Variants in PSD3 observed in about 807,000 individuals in gnomAD.
The protein encoded by PSD3 is PH and SEC7 domain-containing protein 3.
A neutral mutation model predicts 105.5 loss-of-function variants in PSD3; 49 were observed. The ratio of observed to expected loss-of-function variants is 0.46; its 90% CI spans 0.37 to 0.59. PSD3 has a LOEUF of 0.59. PSD3 is among the 20% of genes least tolerant of loss of function. The pLI is 0.00. For synonymous variants in PSD3, 557 were observed against 457.8 expected (o/e 1.22, Z -2.77); for missense variants, 1,561 against 1,263.8 (o/e 1.24, Z -3.57).
intron 4 of PSD3, chr8:18,854,362 A>G (rs931827627): frequency 6.6e-6 from 1 of 152,544 alleles, no homozygotes; most frequent in Non-Finnish European, 1.5e-5. Flanking sequence ...CTCTCTCAAC[A>G]CAGCTTCCCT....
At position 19,002,636 on chromosome 8, in the gene PSD3, T is replaced by C. The variant is rs193070838; in HGVS notation, c.21+10927A>G. Among the ~76,000 whole-genome samples the C allele has an allele frequency of 2.8e-3, 428 of 152,268 alleles. 5 individuals are homozygous for C. Among genetic ancestry groups the C allele is most frequent in the African/African-American group, 9.7e-3 (402 of 41,578 alleles). ...CATAACATATTTACATCTTCCCATA[T>C]ACTTTAAGTCATCTCTAGGTTTCGT... is the stretch of plus-strand genomic sequence containing the variant. On this transcript the variant is annotated intron_variant, in intron 1 of 15. Transcript: ENST00000327040.
At chr8:18,945,213 T>C (rs1490111617) in intron 1 of PSD3, among the ~76,000 whole-genome samples, 2 of 152,238 alleles carry the variant, frequency 1.3e-5, no homozygotes, top group African/African-American at 4.8e-5. Flanking sequence ...GAAAATGTGA[T>C]TAAATTAAAT....
At chr8:18,695,900 A>G (rs1450602875) in intron 9 of PSD3, among the ~76,000 whole-genome samples, 2 of 152,216 alleles carry the variant, frequency 1.3e-5, no homozygotes, top group Admixed American at 1.3e-4. Flanking sequence ...TCATGTGACC[A>G]GAACAGTACC....
Position 18,719,707 on chromosome 8 carries a change from T to C in PSD3, c.2172+45742A>G, listed in dbSNP as rs117879778. 2.6e-4 allele frequency among the ~76,000 whole-genome samples: 39 copies of C among 152,312 alleles called. No individual in the cohort carries two copies. In the East Asian group the frequency reaches 6.9e-3, roughly 27 times the overall value. On this transcript the variant is annotated intron_variant, in intron 9 of 15. Transcript: ENST00000327040. The stretch of plus-strand genomic sequence containing the variant: ...GATCTATTCATGGACACCTCCAACT[T>C]TGAGAAAGCCTGACTTGTTTATTCT...
intron 9 of PSD3, among the ~76,000 whole-genome samples, chr8:18,745,217 G>A (rs1486990795): frequency 6.6e-6 from 1 of 152,092 alleles, no homozygotes; most frequent in African/African-American, 2.4e-5. Context: ...CAAATATCCT[G>A]TTTCTTCCCT....
chr8:18,614,340 T>TCCCCCC (rs150517140), intron 11 of PSD3, among the ~76,000 whole-genome samples: 10 of 93,606 alleles, frequency 1.1e-4, no homozygotes, highest in African/African-American at 3.5e-4. Context: ...TTCTCCCCCA[T>TCCCCCC]CCCCCCCCCA....
intron 14 of PSD3, among the ~76,000 whole-genome samples, chr8:18,557,953 G>A (rs954516502): frequency 1.3e-5 from 2 of 152,200 alleles, no homozygotes; most frequent in Admixed American, 6.5e-5. Context: ...ATGGTTAAAT[G>A]AGGTCATAAG....
intron 2 of PSD3, among the ~76,000 whole-genome samples, chr8:18,932,274 C>G (rs1821801146): frequency 6.6e-6 from 1 of 152,174 alleles, no homozygotes; most frequent in African/African-American, 2.4e-5. Context: ...GACCCAGGCT[C>G]TGCTGCAGCT....
chr8:18,884,151 GA>G (rs1213001018), intron 2 of PSD3, among the ~76,000 whole-genome samples: 2 of 152,046 alleles, frequency 1.3e-5, no homozygotes, highest in African/African-American at 2.4e-5. Context: ...TGTAAGATTG[GA>G]AGATAAATGC....
rs577499710 is a variant in PSD3, at chr8:18,537,384, T to C, written c.2929-1426A>G. On this transcript the variant is annotated intron_variant, in intron 15 of 15. Transcript: ENST00000327040. ...TTAAGCTATATTACCTCCATTGATA[T>C]GAAAATATAGATTATATGTATATAG... Among the ~76,000 whole-genome samples, 7 of 152,324 alleles carry C rather than the reference T, an allele frequency of 4.6e-5. 1 individual carries two copies. In the East Asian group the frequency reaches 1.3e-3, roughly 29 times the overall value.
intron 10 of PSD3, among the ~76,000 whole-genome samples, chr8:18,645,778 C>T (rs969939932): frequency 6.6e-6 from 1 of 152,090 alleles, no homozygotes; most frequent in African/African-American, 2.4e-5. Context: ...TGTATGAGCA[C>T]CTCAAGTGGA....
At chr8:18,579,396 G>T (rs1802666414) in intron 12 of PSD3, among the ~76,000 whole-genome samples, 1 of 152,076 alleles carries the variant, frequency 6.6e-6, no homozygotes, top group South Asian at 2.1e-4. Flanking sequence ...TGTAAGAAAA[G>T]AAAATGCTCC....
chr8:18,740,238 T>C (rs1015191105), intron 9 of PSD3, among the ~76,000 whole-genome samples: 3 of 152,182 alleles, frequency 2.0e-5, no homozygotes, highest in Non-Finnish European at 4.4e-5. Flanking sequence ...CAGTGACAGC[T>C]CCTGCTGTGT....
intron 9 of PSD3, chr8:18,762,979 G>C (rs1048703137): frequency 8.1e-7 from 1 of 1,237,158 alleles, no homozygotes; most frequent in Non-Finnish European, 1.1e-6. Context: ...TGATCTCTGA[G>C]GACAGGTGCC....
At chr8:18,622,236 T>C (rs925878061) in intron 11 of PSD3, among the ~76,000 whole-genome samples, 1 of 152,262 alleles carries the variant, frequency 6.6e-6, no homozygotes, top group African/African-American at 2.4e-5. Context: ...GTGATTAAAA[T>C]ATTTTAAAAT....
intron 15 of PSD3, among the ~76,000 whole-genome samples, chr8:18,537,159 G>A (rs535106869): frequency 1.6e-4 from 24 of 152,262 alleles, no homozygotes; most frequent in East Asian, 7.7e-4. Context: ...GGGTGTGAGC[G>A]CTGGTTGCCG....
rs1001967876 is a variant in PSD3, at chr8:18,765,476, A to G, written c.2145T>C (p.Gly715=). The G allele has an allele frequency of 3.1e-6, 5 of 1,612,480 alleles. No homozygotes were observed. The African/African-American group carries it at 6.7e-5, about 22-fold the overall frequency. Residue 715 remains glycine (G), a synonymous_variant, in exon 9 of 16, where the codon GGT becomes GGC. Coordinates refer to ENST00000327040, the MANE Select transcript of PSD3 (RefSeq NM_015310.4). Reference sequence around the variant, plus strand: ...TCAGCAGATCCTTGGAGAAATCAACACCCTCATTTACCCCTTGCAGATTTG... The same window carrying G: ...TCAGCAGATCCTTGGAGAAATCAACGCCCTCATTTACCCCTTGCAGATTTG... ...FIANLQGVNE[G]VDFSKDLLKA... is the part of the protein sequence containing the mutation.
intron 1 of PSD3, among the ~76,000 whole-genome samples, chr8:18,938,379 TG>T (rs1417607290): frequency 4.6e-5 from 7 of 152,040 alleles, no homozygotes; most frequent in African/African-American, 1.7e-4. Flanking sequence ...CTTAGCACTC[TG>T]GGAGGCTGGG....
At chr8:18,807,870 C>A (rs1335346346) in intron 4 of PSD3, among the ~76,000 whole-genome samples, 2 of 152,266 alleles carry the variant, frequency 1.3e-5, no homozygotes, top group Non-Finnish European at 2.9e-5. Flanking sequence ...CACTGGGAAG[C>A]CAAGGGGAGG....
Sources: gnomAD v4.1 joint callset for allele counts (sites outside exome capture counted in the v4.1 genomes callset) on GRCh38, gnomAD v4.1.1 for gene constraint, MANE v1.5 for transcripts, NCBI Gene and HGNC (gene_info 2026-07-23, HGNC 2026-07-21) for gene names.